The following SLC7A6OS variants were observed in gnomAD, a reference collection of about 807,000 sequenced individuals.
SLC7A6OS encodes probable RNA polymerase II nuclear localization protein SLC7A6OS.
A neutral mutation model predicts 34.3 loss-of-function variants in SLC7A6OS; 22 were observed. The observed-to-expected ratio is 0.64, with a 90% CI of 0.46 to 0.92. The LOEUF is 0.92. Among genes scored for constraint, SLC7A6OS ranks in the 40% least tolerant of loss-of-function variants. SLC7A6OS has a pLI of 0.00. For missense variants in SLC7A6OS, 434 were observed against 407.7 expected, an observed-to-expected ratio of 1.06 and a Z score of -0.56; for synonymous variants, 199 against 165.0, an observed-to-expected ratio of 1.21 and a Z score of -1.58.
In SLC7A6OS at chr16:68,299,162, A is replaced by G. The variant is rs900114260; in HGVS notation, c.*2113T>C. 6.6e-6 allele frequency: 1 copy of G among 152,654 alleles called. No homozygotes were observed. The highest frequency in any genetic ancestry group is 1.5e-5 in the Non-Finnish European group (1 of 68,044). The allele number at this position is 152,654 out of a possible 1,614,324, so 9.5% of individuals were successfully genotyped here. On this transcript the variant is annotated 3_prime_UTR_variant, in exon 5 of 5. Coordinates refer to ENST00000263997, the MANE Select transcript of SLC7A6OS (RefSeq NM_032178.3). ...GCTGACTTGCCTGAACGCTAAGAAC[A>G]TGACTTCTGTCTGAGCTAAGCTGGC...
At position 68,299,115 on chromosome 16, in the gene SLC7A6OS, C is replaced by T. The variant is rs1052192298; in HGVS notation, c.*2160G>A. On this transcript the variant is annotated 3_prime_UTR_variant, in exon 5 of 5. Transcript: ENST00000263997. The stretch of plus-strand genomic sequence containing the variant: ...TTTGTAACGGCAAATTCCTGCCCGA[C>T]GACAGGGTGTCTTATGCAAAGGCTG... The T allele has an allele frequency of 1.3e-5, 2 of 152,652 alleles. No homozygotes were observed. Among genetic ancestry groups the T allele is most frequent in the East Asian group, 1.9e-4 (1 of 5,206 alleles). 9.5% of individuals were successfully genotyped at this position (152,652 alleles called of 1,614,324 possible).
Position 68,300,543 on chromosome 16 carries a change from T to C in SLC7A6OS, c.*732A>G, listed in dbSNP as rs753346635. 34 of 887,776 alleles carry C rather than the reference T, an allele frequency of 3.8e-5. No individual in the cohort carries two copies. The highest frequency in any genetic ancestry group is 5.2e-5 in the South Asian group (1 of 19,326). 55.0% of individuals were successfully genotyped at this position (887,776 alleles called of 1,614,324 possible). ...AGTCCTTGGTATTTATAATCAATGC[T>C]GAACCTTCTATTTCACTACCGCTCC... is the stretch of plus-strand genomic sequence containing the variant. On this transcript the variant is annotated 3_prime_UTR_variant, in exon 5 of 5. Transcript: ENST00000263997.
At chr16:68,309,896 G>A (rs2043412111) in intron 2 of SLC7A6OS, among the ~76,000 whole-genome samples, 1 of 152,156 alleles carries the variant, frequency 6.6e-6, no homozygotes, top group South Asian at 2.1e-4. Context: ...AACGGCTTAA[G>A]GGCCTCTTTA....
Position 68,300,655 on chromosome 16 carries a change from CA to C in SLC7A6OS, c.*619del. On this transcript the variant is annotated 3_prime_UTR_variant, in exon 5 of 5. Coordinates refer to ENST00000263997, the MANE Select transcript of SLC7A6OS (RefSeq NM_032178.3). ...TAGATTTTACTAAACACATGTATCA[CA>C]TTCATATATATTGTTTCTTGGCCCC... 2.0e-6 allele frequency: 2 copies of C among 985,444 alleles called. No individual in the cohort carries two copies. Among genetic ancestry groups the C allele is most frequent in the Non-Finnish European group, 2.4e-6 (2 of 829,932 alleles). 61.0% of individuals were successfully genotyped at this position (985,444 alleles called of 1,614,324 possible).
chr16:68,310,793 C>T lies in SLC7A6OS; in HGVS notation c.134G>A (p.Gly45Asp), dbSNP rs3803650. Reference protein sequence around the residue: ...VESAAQKTSEGLERAAENNVF... With the variant: ...VESAAQKTSEDLERAAENNVF... ...ATTATTCTCCGCCGCTCTCTCCAAA[C>T]CCTCCGACGTCTTCTGTGCCGCTGA... Residue 45 changes from glycine to aspartate, a missense_variant, in exon 1 of 5, where the codon GGT becomes GAT. Transcript: ENST00000263997. 0.6 allele frequency: 973,627 copies of T among 1,613,390 alleles called. 296,737 individuals carry two copies. The highest frequency in any genetic ancestry group is 0.79 in the East Asian group (35,523 of 44,860).
At position 68,302,383 on chromosome 16, in the gene SLC7A6OS, C is replaced by T; in HGVS notation, c.797G>A (p.Arg266Lys). 1 of 1,614,210 alleles carries T rather than the reference C, an allele frequency of 6.2e-7. No homozygotes were observed. The change falls in exon 4 of 5, where the codon AGA becomes AAA. Residue 266 changes from arginine to lysine, a missense_variant and splice_region_variant. Coordinates refer to ENST00000263997, the MANE Select transcript of SLC7A6OS (RefSeq NM_032178.3). The part of the protein sequence containing the change: ...EESSDGDEDS[R>K]GSADYNSLSE... ...CCCGGTCTGGGGCTGCCACCCACCT[C>T]TGGAATCCTCATCTCCATCACTGCT...
Position 68,300,888 on chromosome 16 carries a change from G to GA in SLC7A6OS, c.*386_*387insT. On this transcript the variant is annotated 3_prime_UTR_variant, in exon 5 of 5. Coordinates refer to ENST00000263997, the MANE Select transcript of SLC7A6OS (RefSeq NM_032178.3). ...GGGTTTTCCTAGAGGCAGGCAGCCTGGTGGTATGGCACAGCAGAAGCTTAC... is the reference window on the plus strand; with the variant it reads ...GGGTTTTCCTAGAGGCAGGCAGCCTGAGTGGTATGGCACAGCAGAAGCTTAC... 1.0e-6 allele frequency: 1 copy of GA among 991,410 alleles called. No homozygotes were observed. The highest frequency in any genetic ancestry group is 1.2e-6 in the Non-Finnish European group (1 of 834,048). The allele number at this position is 991,410 out of a possible 1,614,324, so 61.4% of individuals were successfully genotyped here. A position where few individuals can be genotyped will look rare whatever the true frequency, so the allele number is the denominator to read the frequency against.
intron 3 of SLC7A6OS, 73 bp downstream of exon 3, chr16:68,303,953 G>C: frequency 7.3e-7 from 1 of 1,368,202 alleles, no homozygotes; most frequent in Non-Finnish European, 1.0e-6. Context: ...GTGGAGCCCA[G>C]GGAAGCAAAG....
intron 2 of SLC7A6OS, 117 bp downstream of exon 2, chr16:68,310,218 C>T: frequency 1.7e-6 from 2 of 1,156,430 alleles, no homozygotes; most frequent in Non-Finnish European, 2.4e-6. Context: ...TAAAATGAGG[C>T]CGTCACGCCG....
Position 68,301,402 on chromosome 16 carries a change from G to A in SLC7A6OS, c.803C>T (p.Ser268Phe). 6.2e-7 allele frequency: 1 copy of A among 1,613,920 alleles called. No individual in the cohort carries two copies. Among genetic ancestry groups the A allele is most frequent in the South Asian group, 1.1e-5 (1 of 91,046 alleles). Residue 268 changes from serine to phenylalanine, a missense_variant, in exon 5 of 5, where the codon TCT becomes TTT. Transcript: ENST00000263997. ...SSDGDEDSRG[S>F]ADYNSLSEEE... ...CTCACTCAGGCTGTTGTAGTCAGCA[G>A]AGCCTAGAATGACATCCCGGGAGTG...
chr16:68,305,257 G>A (rs1181773527), intron 2 of SLC7A6OS, among the ~76,000 whole-genome samples: 1 of 152,164 alleles, frequency 6.6e-6, no homozygotes, highest in Non-Finnish European at 1.5e-5. Flanking sequence ...GCCAACAGGT[G>A]TTTCCTGGTG....
chr16:68,301,086 A>T lies in SLC7A6OS; in HGVS notation c.*189T>A. On this transcript the variant is annotated 3_prime_UTR_variant, in exon 5 of 5. Coordinates refer to ENST00000263997, the MANE Select transcript of SLC7A6OS (RefSeq NM_032178.3). ...GATTGAGGCAAAGGGGTCCTACTGT[A>T]AGTGGAAAAGACTCACTCCCCTAAC... 1 of 1,294,110 alleles carries T rather than the reference A, an allele frequency of 7.7e-7. No individual in the cohort carries two copies. The highest frequency in any genetic ancestry group is 9.8e-7 in the Non-Finnish European group (1 of 1,019,436). The allele number at this position is 1,294,110 out of a possible 1,614,324, so 80.2% of individuals were successfully genotyped here. A position where few individuals can be genotyped will look rare whatever the true frequency, so the allele number is the denominator to read the frequency against.
rs757771500 is a variant in SLC7A6OS at position 68,304,211 on chromosome 16, G to A, written c.493C>T (p.Leu165Phe). Residue 165 changes from leucine (L) to phenylalanine (F), a missense_variant, in exon 3 of 5, where the codon CTC becomes TTC. Leu to Phe is a conservative substitution (Grantham distance 22). Coordinates refer to ENST00000263997, the MANE Select transcript of SLC7A6OS (RefSeq NM_032178.3). ...SCKTSDPDVI[L>F]CNSVELIRER... is the part of the protein sequence containing the mutation. The stretch of plus-strand genomic sequence containing the variant: ...CGGATCAACTCTACAGAATTGCAGA[G>A]GATCACATCTGGGTCAGATGTCTGT... 6.2e-7 allele frequency: 1 copy of A among 1,614,146 alleles called. No homozygotes were observed. Among genetic ancestry groups the A allele is most frequent in the Non-Finnish European group, 8.5e-7 (1 of 1,180,022 alleles).
intron 3 of SLC7A6OS, chr16:68,303,767 A>C: frequency 2.2e-6 from 1 of 463,620 alleles, no homozygotes; most frequent in Non-Finnish European, 3.9e-6. Flanking sequence ...ATGGATAGCT[A>C]TAAACAATAA....
intron 4 of SLC7A6OS, 94 bp from the exon 5 acceptor site, chr16:68,301,499 C>A: frequency 9.6e-7 from 1 of 1,038,702 alleles, no homozygotes; most frequent in Non-Finnish European, 1.4e-6. Context: ...TTTTTGTTCC[C>A]GATTGTAATG....
intron 3 of SLC7A6OS, among the ~76,000 whole-genome samples, chr16:68,303,185 A>C (rs931941889): frequency 2.7e-5 from 4 of 149,064 alleles, no homozygotes; most frequent in Non-Finnish European, 4.4e-5. Context: ...AATCGCTTGA[A>C]CCCAGGAGGC....
Position 68,310,888 on chromosome 16 carries a change from C to G in SLC7A6OS, c.39G>C (p.Arg13=). 7.5e-6 allele frequency: 12 copies of G among 1,603,986 alleles called. No homozygotes were observed. The highest frequency in any genetic ancestry group is 8.5e-6 in the Non-Finnish European group (10 of 1,176,894). ...CCTCCGCCGGCTCCGCACTGCGCTT[C>G]CGCTTCACCCGGAGTACAGCGGTCC... ...AARTAVLRVK[R]KRSAEPAEAL... Residue 13 remains arginine (R), a synonymous_variant, in exon 1 of 5, where the codon CGG becomes CGC. Transcript: ENST00000263997.
At chr16:68,302,222 A>C (rs61460037) in intron 4 of SLC7A6OS, 159 bp downstream of exon 4, 92,217 of 758,562 alleles carry the variant, frequency 0.12, 6,120 homozygotes, top group African/African-American at 0.16. Context: ...CCCCTGGGAA[A>C]CACTGGTCTT....
chr16:68,303,925 G>C, intron 3 of SLC7A6OS, 101 bp downstream of exon 3: 1 of 1,071,286 alleles, frequency 9.3e-7, no homozygotes, highest in South Asian at 1.4e-5. Context: ...AAAGAACTAA[G>C]GACAATGTTG....
Sources: allele counts gnomAD v4.1 joint callset (sites outside exome capture counted in the v4.1 genomes callset), GRCh38; gene constraint gnomAD v4.1.1; transcripts MANE v1.5; gene names NCBI Gene and HGNC (gene_info 2026-07-23, HGNC 2026-07-21).